The following GNAL variants were observed in gnomAD, a reference collection of about 807,000 sequenced individuals.
GNAL encodes the protein guanine nucleotide-binding protein G(olf) subunit alpha.
GNAL carries 18 observed loss-of-function variants against 55.1 expected under a neutral mutation model. The ratio of observed to expected loss-of-function variants is 0.33; its 90% CI spans 0.23 to 0.48. The LOEUF (loss-of-function observed/expected upper bound fraction) is 0.48, where lower values mean the gene tolerates loss of function less well. GNAL is among the 20% of genes least tolerant of loss of function. The probability of loss-of-function intolerance (pLI) is 0.99; values close to 1 mark genes in which losing one functional copy is unlikely to be tolerated. For synonymous variants in GNAL, 253 were observed against 237.0 expected (o/e 1.07, Z -0.62); for missense variants, 412 against 614.1 (o/e 0.67, Z 3.48).
intron 5 of GNAL, among the ~76,000 whole-genome samples, chr18:11,842,070 T>G (rs1258412569): frequency 2.0e-5 from 3 of 152,188 alleles, no homozygotes; most frequent in African/African-American, 7.2e-5. Flanking sequence ...CCTCCCGGGT[T>G]CAAGCAATTC....
At chr18:11,817,235 C>A (rs1260955740) in intron 4 of GNAL, among the ~76,000 whole-genome samples, 1 of 152,100 alleles carries the variant, frequency 6.6e-6, no homozygotes, top group East Asian at 1.9e-4. Context: ...TCTCTTATAC[C>A]CAAGGAACTG....
At chr18:11,873,821 C>T (rs2036455849) in intron 10 of GNAL, among the ~76,000 whole-genome samples, 2 of 152,178 alleles carry the variant, frequency 1.3e-5, no homozygotes, top group Non-Finnish European at 2.9e-5. Flanking sequence ...CACCTCCTGT[C>T]ACTCAGCTCA....
intron 4 of GNAL, among the ~76,000 whole-genome samples, chr18:11,809,288 G>T (rs1250414917): frequency 6.6e-6 from 1 of 151,860 alleles, no homozygotes; most frequent in East Asian, 1.9e-4. Context: ...CAGGAGGCTG[G>T]GGGAGGAGAA....
chr18:11,848,341 T>C (rs10221414), intron 5 of GNAL, among the ~76,000 whole-genome samples: 2,872 of 152,272 alleles, frequency 0.019, 97 homozygotes, highest in African/African-American at 0.064. Flanking sequence ...AGATGGCTTC[T>C]GGAACTCCAC....
chr18:11,709,580 GT>G (rs1233100741), intron 1 of GNAL, among the ~76,000 whole-genome samples: 1 of 151,986 alleles, frequency 6.6e-6, no homozygotes, highest in Non-Finnish European at 1.5e-5. Context: ...AAATGAGATT[GT>G]TTTTTAATTT....
At chr18:11,766,124 T>A (rs1186745190) in intron 4 of GNAL, among the ~76,000 whole-genome samples, 1 of 152,214 alleles carries the variant, frequency 6.6e-6, no homozygotes, top group Non-Finnish European at 1.5e-5. Context: ...AGTCAACACG[T>A]GTGGTTTGTG....
intron 5 of GNAL, among the ~76,000 whole-genome samples, chr18:11,829,132 C>T (rs773193493): frequency 4.6e-4 from 70 of 152,224 alleles, no homozygotes; most frequent in Non-Finnish European, 7.5e-4. Flanking sequence ...GGCCCCAGGG[C>T]CTCAGGCCAA....
rs1598403664 is a variant in GNAL at position 11,705,359 on chromosome 18, G to C, written c.376+15420G>C. ...ATTTTCTTTCTTCATTCATCTTCCA[G>C]TGGACATTTAGGCTGCTTCAGTATC... On this transcript the variant is annotated intron_variant, in intron 1 of 11. Transcript: ENST00000334049. Among the ~76,000 whole-genome samples the C allele has an allele frequency of 2.0e-5, 3 of 152,192 alleles. No individual in the cohort carries two copies. In the South Asian group the frequency reaches 6.2e-4, roughly 32 times the overall value.
intron 4 of GNAL, among the ~76,000 whole-genome samples, chr18:11,767,227 T>C (rs889140503): frequency 2.6e-5 from 4 of 151,112 alleles, no homozygotes; most frequent in African/African-American, 9.7e-5. Flanking sequence ...ACCCTTATGC[T>C]TACACACCTG....
chr18:11,752,678 G>C lies in GNAL; in HGVS notation c.377-175G>C. On this transcript the variant is annotated intron_variant, in intron 1 of 11. Transcript: ENST00000334049. The surrounding 1 kb of genome is among the most constrained non-coding windows in gnomAD (Gnocchi z 4.5). ...GCGGGCAGGGCCGGGCGAGGGTCGCGCGCACCTCTGGGCCGCGGAGCCCAG... is the reference window on the plus strand; with the variant it reads ...GCGGGCAGGGCCGGGCGAGGGTCGCCCGCACCTCTGGGCCGCGGAGCCCAG... 7.9e-7 allele frequency: 1 copy of C among 1,269,446 alleles called. No homozygotes were observed. Among genetic ancestry groups the C allele is most frequent in the Non-Finnish European group, 1.0e-6 (1 of 969,994 alleles). The allele number at this position is 1,269,446 out of a possible 1,614,324, so 78.6% of individuals were successfully genotyped here.
intron 5 of GNAL, among the ~76,000 whole-genome samples, chr18:11,843,280 C>A (rs2035658600): frequency 6.6e-6 from 1 of 152,036 alleles, no homozygotes; most frequent in East Asian, 1.9e-4. Flanking sequence ...GGGTGGATCA[C>A]CTGAGGTCAG....
At chr18:11,835,062 G>A (rs1437466405) in intron 5 of GNAL, among the ~76,000 whole-genome samples, 1 of 152,290 alleles carries the variant, frequency 6.6e-6, no homozygotes, top group Non-Finnish European at 1.5e-5. Flanking sequence ...TTGAAAATAT[G>A]TGCATAATAT....
At chr18:11,704,506 C>A (rs893735003) in intron 1 of GNAL, among the ~76,000 whole-genome samples, 5 of 152,190 alleles carry the variant, frequency 3.3e-5, no homozygotes, top group African/African-American at 1.2e-4. Context: ...GTACCCCCAT[C>A]TGTAATATGT....
At chr18:11,857,425 G>C (rs899053664) in intron 5 of GNAL, 3 of 915,480 alleles carry the variant, frequency 3.3e-6, no homozygotes, top group Admixed American at 6.2e-5. Context: ...TGGAGTGGAG[G>C]GTTCACGTGA....
intron 4 of GNAL, among the ~76,000 whole-genome samples, chr18:11,782,909 AT>A (rs1459039772): frequency 6.6e-6 from 1 of 152,222 alleles, no homozygotes; most frequent in Non-Finnish European, 1.5e-5. Context: ...AATCTTAAGA[AT>A]TTTGAGATTT....
intron 4 of GNAL, among the ~76,000 whole-genome samples, chr18:11,780,798 T>C (rs1312304521): frequency 6.6e-6 from 1 of 152,230 alleles, no homozygotes; most frequent in Admixed American, 6.5e-5. Context: ...ATTATTGTTA[T>C]TACTGTTGAC....
chr18:11,691,418 T>G (rs138784025), intron 1 of GNAL, among the ~76,000 whole-genome samples: 26,149 of 147,612 alleles, frequency 0.18, 4,157 homozygotes, highest in African/African-American at 0.44. Flanking sequence ...GTTGCCTGTT[T>G]ACTCTGATGG....
chr18:11,764,127 CAG>C (rs2033331562), intron 4 of GNAL, among the ~76,000 whole-genome samples: 1 of 151,800 alleles, frequency 6.6e-6, no homozygotes, highest in Non-Finnish European at 1.5e-5. Flanking sequence ...TTTTTTGAGA[CAG>C]AGTCTTGCTC....
intron 4 of GNAL, among the ~76,000 whole-genome samples, chr18:11,794,151 GA>G (rs1463974279): frequency 1.3e-5 from 2 of 152,232 alleles, no homozygotes; most frequent in Admixed American, 1.3e-4. Flanking sequence ...ATTGCTGCTG[GA>G]AGTGCAGAAT....
Sources: gnomAD v4.1 joint callset for allele counts (sites outside exome capture counted in the v4.1 genomes callset) on GRCh38, gnomAD v4.1.1 for gene constraint, Gnocchi (gnomAD v3.1) non-coding constraint, MANE v1.5 for transcripts, NCBI Gene and HGNC (gene_info 2026-07-23, HGNC 2026-07-21) for gene names.